Variants in RBP3 observed in about 807,000 individuals in gnomAD.
The protein encoded by RBP3 is retinol binding protein 3.
Under a neutral mutation model 64.8 loss-of-function variants are expected in RBP3, and 50 were observed. The observed-to-expected ratio is 0.77, with a 90% CI of 0.61 to 0.98. The LOEUF (loss-of-function observed/expected upper bound fraction) is 0.98. Among genes scored for constraint, RBP3 ranks in the 50% least tolerant of loss-of-function variants. The pLI is 0.00. For synonymous variants in RBP3, 828 were observed against 730.2 expected, an observed-to-expected ratio of 1.13 and a Z score of -2.16; for missense variants, 1,712 against 1,660.5, an observed-to-expected ratio of 1.03 and a Z score of -0.54.
chr10:47,351,264 C>T lies in RBP3; in HGVS notation c.2780C>T (p.Ala927Val), dbSNP rs1390054797. ...CCCATGAGCGAAGCCCTTTCCATAG[C>T]CCAGGACATAGTGGCTCTGCGTGCC... ...TVPMSEALSIAQDIVALRAKV... is the reference protein window; with the variant it reads ...TVPMSEALSIVQDIVALRAKV... Residue 927 changes from alanine to valine, a missense_variant, in exon 1 of 4, where the codon GCC becomes GTC. Transcript: ENST00000584701. The T allele has an allele frequency of 1.2e-6, 2 of 1,613,414 alleles. No homozygotes were observed. The highest frequency in any genetic ancestry group is 3.3e-4 in the Middle Eastern group (2 of 6,062).
Position 47,355,423 on chromosome 10 carries a change from A to G in RBP3, c.3293A>G (p.Tyr1098Cys). 1 of 1,614,068 alleles carries G rather than the reference A, an allele frequency of 6.2e-7. No individual in the cohort carries two copies. The highest frequency in any genetic ancestry group is 8.5e-7 in the Non-Finnish European group (1 of 1,180,020). Reference protein sequence around the residue: ...PTSSIPILCSYFFDEGPPVLL... With the variant: ...PTSSIPILCSCFFDEGPPVLL... ...TCCTCCATTCCCATCTTGTGCTCCT[A>G]CTTCTTTGATGAAGGCCCTCCAGTT... The change falls in exon 3 of 4, where the codon TAC becomes TGC. Residue 1098 changes from tyrosine to cysteine, a missense_variant. Physicochemically the swap from Tyr to Cys is radical, Grantham distance 194 (BLOSUM62 -2). Transcript: ENST00000584701.
intron 2 of RBP3, 150 bp from the exon 3 acceptor site, chr10:47,355,226 C>G (rs1243416564): frequency 1.2e-6 from 1 of 841,002 alleles, no homozygotes; most frequent in Non-Finnish European, 1.9e-6. Flanking sequence ...AAATGCCAAC[C>G]CATGGAATTC....
At position 47,351,247 on chromosome 10, in the gene RBP3, C is replaced by A. The variant is rs548622709; in HGVS notation, c.2763C>A (p.Ser921Arg). Residue 921 changes from serine to arginine, a missense_variant, in exon 1 of 4, where the codon AGC becomes AGA. Physicochemically the swap from Ser to Arg is moderately radical, Grantham distance 110 (BLOSUM62 -1). Transcript: ENST00000584701. ...GVEPDITVPM[S>R]EALSIAQDIV... Reference sequence around the variant, plus strand: ...AGCCCGACATCACTGTGCCCATGAGCGAAGCCCTTTCCATAGCCCAGGACA... The same window carrying A: ...AGCCCGACATCACTGTGCCCATGAGAGAAGCCCTTTCCATAGCCCAGGACA... 7.7e-5 allele frequency: 124 copies of A among 1,613,242 alleles called. No homozygotes were observed. Among genetic ancestry groups the A allele is most frequent in the Non-Finnish European group, 9.6e-5 (113 of 1,180,058 alleles).
intron 2 of RBP3, among the ~76,000 whole-genome samples, 165 bp downstream of exon 2, chr10:47,353,680 A>G (rs2234691): frequency 0.89 from 136,303 of 152,310 alleles, 61,041 homozygotes; most frequent in African/African-American, 0.93. Context: ...CTAGCCCAGC[A>G]GATCTGCTGT....
In RBP3 at chr10:47,350,957, A is replaced by G. The variant is rs1555211479; in HGVS notation, c.2473A>G (p.Thr825Ala). Reference sequence around the variant, plus strand: ...CACCTCAAAAGTCACGGAGGTGTGGACCTTGCCCCAGGTCGCCGGCCAGCG... The same window carrying G: ...CACCTCAAAAGTCACGGAGGTGTGGGCCTTGCCCCAGGTCGCCGGCCAGCG... Reference protein sequence around the residue: ...RATSKVTEVWTLPQVAGQRYG... With the variant: ...RATSKVTEVWALPQVAGQRYG... Residue 825 changes from threonine to alanine, a missense_variant, in exon 1 of 4, where the codon ACC (threonine) becomes GCC (alanine). By Grantham distance (58) the Thr-to-Ala change is moderately conservative (BLOSUM62 0). Transcript: ENST00000584701. 1 of 1,612,776 alleles carries G rather than the reference A, an allele frequency of 6.2e-7. No individual in the cohort carries two copies. The highest frequency in any genetic ancestry group is 1.1e-5 in the South Asian group (1 of 91,064).
At position 47,348,533 on chromosome 10, in the gene RBP3, G is replaced by C; in HGVS notation, c.49G>C (p.Ala17Pro). 1 of 1,610,934 alleles carries C rather than the reference G, an allele frequency of 6.2e-7. No homozygotes were observed. The highest frequency in any genetic ancestry group is 8.5e-7 in the Non-Finnish European group (1 of 1,180,002). Residue 17 changes from alanine (A) to proline (P), a missense_variant, in exon 1 of 4, where the codon GCT (alanine) becomes CCT (proline). Physicochemically the swap from Ala to Pro is conservative, Grantham distance 27 (BLOSUM62 -1). Transcript: ENST00000584701. ...CATGTCCGTGCTGCTCTGTGGCCTG[G>C]CTGGCCCCACACACCTGTTCCAGCC... ...LLMSVLLCGL[A>P]GPTHLFQPSL...
At position 47,350,846 on chromosome 10, in the gene RBP3, A is replaced by G. The variant is rs782234691; in HGVS notation, c.2362A>G (p.Ser788Gly). The G allele has an allele frequency of 1.6e-5, 25 of 1,612,906 alleles. No homozygotes were observed. Among genetic ancestry groups the G allele is most frequent in the Middle Eastern group, 1.7e-4 (1 of 6,042 alleles). ...LVIDLRYNPG[S>G]YSTAIPLLCS... Reference sequence around the variant, plus strand: ...GATCGACCTGCGCTACAACCCTGGCAGCTACTCCACGGCCATCCCGCTGCT... The same window carrying G: ...GATCGACCTGCGCTACAACCCTGGCGGCTACTCCACGGCCATCCCGCTGCT... The change falls in exon 1 of 4, where the codon AGC becomes GGC. Residue 788 changes from serine to glycine, a missense_variant. Ser to Gly is a moderately conservative substitution (Grantham distance 56). Transcript: ENST00000584701.
intron 1 of RBP3, among the ~76,000 whole-genome samples, chr10:47,352,871 T>C (rs782034163): frequency 9.8e-5 from 15 of 152,290 alleles, no homozygotes; most frequent in Non-Finnish European, 1.9e-4. Context: ...AGTTTTTCCA[T>C]GGAAAAGATG....
chr10:47,349,054 G>C lies in RBP3; in HGVS notation c.570G>C (p.Gly190=), dbSNP rs782004189. ...IPYIISYLHP[G]NTILHVDTIY... The stretch of plus-strand genomic sequence containing the variant: ...ACATCATCTCCTACCTGCACCCAGG[G>C]AACACCATCCTGCACGTGGACACTA... Residue 190 remains glycine, a synonymous_variant, in exon 1 of 4, where the codon GGG becomes GGC. Transcript: ENST00000584701. The C allele has an allele frequency of 1.2e-6, 2 of 1,613,884 alleles. No homozygotes were observed. Among genetic ancestry groups the C allele is most frequent in the South Asian group, 1.1e-5 (1 of 91,076 alleles).
rs1159193211 is a variant in RBP3, at chr10:47,355,507, C to T, written c.3377C>T (p.Ala1126Val). The change falls in exon 3 of 4, where the codon GCC (alanine) becomes GTC (valine). Residue 1126 changes from alanine (A) to valine (V), a missense_variant. Ala to Val is a moderately conservative substitution (Grantham distance 64). Coordinates refer to ENST00000584701, the MANE Select transcript of RBP3 (RefSeq NM_002900.3). ...TCTGTCAGTGAACTCTGGACACACG[C>T]CCAGGTTGTAGGTACGTGGAGAAGC... Reference protein sequence around the residue: ...DDSVSELWTHAQVVGERYGSK... With the variant: ...DDSVSELWTHVQVVGERYGSK... The T allele has an allele frequency of 3.1e-6, 5 of 1,614,092 alleles. No homozygotes were observed. The highest frequency in any genetic ancestry group is 1.3e-5 in the African/African-American group (1 of 74,926).
Position 47,357,649 on chromosome 10 carries a change from T to C in RBP3, c.*192T>C. 1 of 539,864 alleles carries C rather than the reference T, an allele frequency of 1.9e-6. No homozygotes were observed. The highest frequency in any genetic ancestry group is 3.0e-5 in the East Asian group (1 of 33,524). The allele number at this position is 539,864 out of a possible 1,614,324, so 33.4% of individuals were successfully genotyped here. A position where few individuals can be genotyped will look rare whatever the true frequency, so the allele number is the denominator to read the frequency against. ...GTATATACACATATATATGTGTATG[T>C]ATATATATGTATATATATATGGCTT... On this transcript the variant is annotated 3_prime_UTR_variant, in exon 4 of 4. Transcript: ENST00000584701.
intron 2 of RBP3, among the ~76,000 whole-genome samples, chr10:47,354,500 T>A (rs1445444320): frequency 1.3e-5 from 2 of 152,244 alleles, no homozygotes; most frequent in African/African-American, 4.8e-5. Context: ...CTGGCTCCAG[T>A]TCTGTGTGTG....
rs782566834 is a variant in RBP3 at position 47,349,884 on chromosome 10, C to T, written c.1400C>T (p.Pro467Leu). The T allele has an allele frequency of 8.7e-6, 14 of 1,613,040 alleles. No individual in the cohort carries two copies. Among genetic ancestry groups the T allele is most frequent in the African/African-American group, 6.7e-5 (5 of 74,908 alleles). ...APYVLRQVWE[P>L]LQDTEHLIMD... is the part of the protein sequence containing the mutation. ...TATGTCCTGCGCCAGGTGTGGGAGC[C>T]GCTACAGGACACGGAGCACCTCATC... Residue 467 changes from proline (P) to leucine (L), a missense_variant, in exon 1 of 4, where the codon CCG becomes CTG. Transcript: ENST00000584701.
In RBP3 at chr10:47,350,973, C is replaced by T; in HGVS notation, c.2489C>T (p.Ala830Val). 1 of 1,612,332 alleles carries T rather than the reference C, an allele frequency of 6.2e-7. No homozygotes were observed. The highest frequency in any genetic ancestry group is 2.2e-5 in the East Asian group (1 of 44,892). ...GAGGTGTGGACCTTGCCCCAGGTCGCCGGCCAGCGCTACGGCTCACACAAG... is the reference window on the plus strand; with the variant it reads ...GAGGTGTGGACCTTGCCCCAGGTCGTCGGCCAGCGCTACGGCTCACACAAG... ...VTEVWTLPQV[A>V]GQRYGSHKDL... is the part of the protein sequence containing the mutation. The change falls in exon 1 of 4, where the codon GCC becomes GTC. Residue 830 changes from alanine (A) to valine (V), a missense_variant. Physicochemically the swap from Ala to Val is moderately conservative, Grantham distance 64. Coordinates refer to ENST00000584701, the MANE Select transcript of RBP3 (RefSeq NM_002900.3).
At position 47,348,649 on chromosome 10, in the gene RBP3, C is replaced by T; in HGVS notation, c.165C>T (p.Ala55=). ...LLGMQEAIQQ[A]IKSHEILSIS... ...GCATGCAGGAAGCCATCCAGCAGGC[C>T]ATCAAGAGCCATGAGATTCTGAGCA... Residue 55 remains alanine, a synonymous_variant, in exon 1 of 4, where the codon GCC becomes GCT. Coordinates refer to ENST00000584701, the MANE Select transcript of RBP3 (RefSeq NM_002900.3). 6.2e-7 allele frequency: 1 copy of T among 1,613,526 alleles called. No homozygotes were observed. Among genetic ancestry groups the T allele is most frequent in the Non-Finnish European group, 8.5e-7 (1 of 1,180,012 alleles).
rs1555210913 is a variant in RBP3 at position 47,348,856 on chromosome 10, G to A, written c.372G>A (p.Glu124=). 2 of 1,613,926 alleles carry A rather than the reference G, an allele frequency of 1.2e-6. No homozygotes were observed. Among genetic ancestry groups the A allele is most frequent in the East Asian group, 2.2e-5 (1 of 44,878 alleles). ...GGCTGCAAAGGGGCCTCCGCCATGA[G>A]GTTCTGGAGGGTAATGTGGGCTACC... ...LAWLQRGLRH[E]VLEGNVGYLR... The change falls in exon 1 of 4, where the codon GAG becomes GAA. Residue 124 remains glutamate (E), a synonymous_variant. Coordinates refer to ENST00000584701, the MANE Select transcript of RBP3 (RefSeq NM_002900.3).
At chr10:47,355,584 A>C in intron 3 of RBP3, 66 bp downstream of exon 3, 1 of 1,607,578 alleles carries the variant, frequency 6.2e-7, no homozygotes, top group Non-Finnish European at 8.5e-7. Flanking sequence ...AGGGAAAGAC[A>C]GCTTGGGTGT....
chr10:47,354,900 A>G (rs1837025501), intron 2 of RBP3, among the ~76,000 whole-genome samples: 1 of 152,224 alleles, frequency 6.6e-6, no homozygotes, highest in African/African-American at 2.4e-5. Flanking sequence ...ACAAGCCTGA[A>G]TATTTCAATA....
At chr10:47,355,061 T>C (rs1588865521) in intron 2 of RBP3, among the ~76,000 whole-genome samples, 1 of 152,252 alleles carries the variant, frequency 6.6e-6, no homozygotes, top group Non-Finnish European at 1.5e-5. Flanking sequence ...GGTCAATAAA[T>C]GGGGGAAATT....
Sources: allele counts gnomAD v4.1 joint callset (sites outside exome capture counted in the v4.1 genomes callset), GRCh38; gene constraint gnomAD v4.1.1; transcripts MANE v1.5; gene names NCBI Gene and HGNC (gene_info 2026-07-23, HGNC 2026-07-21).